The following OPCML variants were observed in gnomAD, a reference collection of about 807,000 sequenced individuals.
OPCML encodes opioid-binding protein/cell adhesion molecule.
In OPCML, 13 loss-of-function variants were observed where a neutral mutation model predicts 37.8. The ratio of observed to expected loss-of-function variants is 0.34; its 90% CI spans 0.22 to 0.55. The LOEUF (loss-of-function observed/expected upper bound fraction) is 0.55. Ranked by LOEUF, OPCML falls within the 20% of genes least tolerant of loss-of-function variation. OPCML has a pLI of 0.91. For missense variants in OPCML, 341 were observed against 435.6 expected, an observed-to-expected ratio of 0.78 and a Z score of 1.93; for synonymous variants, 176 against 168.8, an observed-to-expected ratio of 1.04 and a Z score of -0.33.
chr11:132,427,948 G>A (rs944520791), intron 7 of OPCML, among the ~76,000 whole-genome samples: 1 of 152,202 alleles, frequency 6.6e-6, no homozygotes, highest in Non-Finnish European at 1.5e-5. Flanking sequence ...TCAGCCAAAA[G>A]CAATGGTGTT....
In OPCML at chr11:133,260,120, T is replaced by C. The variant is rs545676691; in HGVS notation, c.61+272144A>G. On this transcript the variant is annotated intron_variant, in intron 1 of 7. Coordinates refer to ENST00000524381, the MANE Select transcript of OPCML (RefSeq NM_001012393.5). The stretch of plus-strand genomic sequence containing the variant: ...AATATAGTAGTGAGTCCTGTGGCTC[T>C]CGGGGGACAGAGTTTCAGGAAGAGG... 2.6e-4 allele frequency among the ~76,000 whole-genome samples: 39 copies of C among 151,894 alleles called. No homozygotes were observed. The South Asian group carries it at 8.2e-3, about 32-fold the overall frequency.
chr11:132,924,582 G>C (rs1230786391), intron 2 of OPCML, among the ~76,000 whole-genome samples: 20 of 152,106 alleles, frequency 1.3e-4, no homozygotes. Flanking sequence ...CTCTTTTCTT[G>C]CTTGCTTGGT....
At chr11:133,103,776 T>G (rs1250966585) in intron 1 of OPCML, among the ~76,000 whole-genome samples, 2 of 152,318 alleles carry the variant, frequency 1.3e-5, no homozygotes, top group East Asian at 3.9e-4. Context: ...GGCATTAAAG[T>G]AAGTAAAGTT....
intron 4 of OPCML, among the ~76,000 whole-genome samples, chr11:132,473,594 G>A (rs918094910): frequency 6.6e-6 from 1 of 152,190 alleles, no homozygotes; most frequent in Non-Finnish European, 1.5e-5. Context: ...GGGAGGCCGA[G>A]GTGGGAAAAT....
intron 1 of OPCML, among the ~76,000 whole-genome samples, chr11:133,071,690 G>T (rs1446682229): frequency 6.6e-6 from 1 of 152,138 alleles, no homozygotes; most frequent in Non-Finnish European, 1.5e-5. Flanking sequence ...CTGGCCTATT[G>T]TTCATTTTTA....
At chr11:132,526,105 T>G (rs1214514100) in intron 4 of OPCML, among the ~76,000 whole-genome samples, 1 of 152,178 alleles carries the variant, frequency 6.6e-6, no homozygotes, top group African/African-American at 2.4e-5. Context: ...ATTGGGAATA[T>G]GAATGAATCT....
At chr11:132,436,443 G>A in intron 6 of OPCML, 1 of 949,656 alleles carries the variant, frequency 1.1e-6, no homozygotes, top group South Asian at 4.9e-5. Flanking sequence ...TCTACAACCA[G>A]TCTCAGATTC....
chr11:132,443,900 C>T (rs189119762), intron 4 of OPCML, among the ~76,000 whole-genome samples: 152 of 152,308 alleles, frequency 1.0e-3, no homozygotes, highest in Non-Finnish European at 2.1e-3. Context: ...CAAAACTGAG[C>T]TATGAGCAGA....
At chr11:132,635,774 T>C (rs1210868722) in intron 3 of OPCML, among the ~76,000 whole-genome samples, 1 of 152,100 alleles carries the variant, frequency 6.6e-6, no homozygotes, top group Non-Finnish European at 1.5e-5. Flanking sequence ...TTCTATTCAC[T>C]CCACCCCACT....
At chr11:132,891,299 G>A (rs79669692) in intron 2 of OPCML, among the ~76,000 whole-genome samples, 21 of 152,280 alleles carry the variant, frequency 1.4e-4, no homozygotes, top group Non-Finnish European at 2.6e-4. Flanking sequence ...CCAGACCCAA[G>A]CTCATCCATC....
intron 1 of OPCML, among the ~76,000 whole-genome samples, chr11:133,040,685 G>C (rs1022277270): frequency 1.4e-4 from 21 of 152,100 alleles, no homozygotes; most frequent in African/African-American, 4.8e-4. Context: ...TGCTACAGGA[G>C]AGGGGCCTCT....
At chr11:133,029,171 C>G (rs1301694855) in intron 1 of OPCML, among the ~76,000 whole-genome samples, 2 of 152,094 alleles carry the variant, frequency 1.3e-5, no homozygotes, top group East Asian at 3.9e-4. Flanking sequence ...GAGATGCCAT[C>G]TCACACCAGT....
At chr11:133,482,473 T>C (rs1281183158) in intron 1 of OPCML, among the ~76,000 whole-genome samples, 1 of 152,088 alleles carries the variant, frequency 6.6e-6, no homozygotes, top group African/African-American at 2.4e-5. Context: ...GGGTGCTGCC[T>C]TACACCTGAG....
chr11:132,868,259 C>A (rs1942650075), intron 2 of OPCML, among the ~76,000 whole-genome samples: 1 of 137,840 alleles, frequency 7.3e-6, no homozygotes, highest in South Asian at 2.3e-4. Context: ...CCCATAAAAT[C>A]ATGTTTGGTT....
intron 4 of OPCML, among the ~76,000 whole-genome samples, chr11:132,466,557 C>T (rs1308893183): frequency 6.6e-6 from 1 of 151,296 alleles, no homozygotes; most frequent in Non-Finnish European, 1.5e-5. Flanking sequence ...TTAAGAGAAA[C>T]GCATGGAAAG....
chr11:133,143,482 A>G lies in OPCML; in HGVS notation c.62-200472T>C, dbSNP rs187563706. On this transcript the variant is annotated intron_variant, in intron 1 of 7. Transcript: ENST00000524381. ...TCTGGGTCCCAGAATGCATGCATGG[A>G]GCAGACTCCTTGCAGACCCACATAG... 6.6e-5 allele frequency among the ~76,000 whole-genome samples: 10 copies of G among 152,340 alleles called. No individual in the cohort carries two copies. The East Asian group carries it at 1.2e-3, about 18-fold the overall frequency.
intron 2 of OPCML, among the ~76,000 whole-genome samples, chr11:132,784,672 T>C (rs574632883): frequency 6.6e-6 from 1 of 152,246 alleles, no homozygotes; most frequent in Admixed American, 6.5e-5. Flanking sequence ...TGGGAACAGA[T>C]CCCTCATGAA....
At chr11:133,151,500 G>A (rs1949986493) in intron 1 of OPCML, among the ~76,000 whole-genome samples, 1 of 151,990 alleles carries the variant, frequency 6.6e-6, no homozygotes, top group Admixed American at 6.6e-5. Context: ...AGAAGAGCCT[G>A]TATCAATATG....
chr11:133,502,206 G>C (rs531291145), intron 1 of OPCML, among the ~76,000 whole-genome samples: 28 of 152,162 alleles, frequency 1.8e-4, no homozygotes, highest in Non-Finnish European at 1.0e-4. Flanking sequence ...GGAGCACCAC[G>C]TGAACTCTGG....
Sources: gnomAD v4.1 joint callset for allele counts (sites outside exome capture counted in the v4.1 genomes callset) on GRCh38, gnomAD v4.1.1 for gene constraint, MANE v1.5 for transcripts, NCBI Gene and HGNC (gene_info 2026-07-23, HGNC 2026-07-21) for gene names.